The following PCED1B variants were observed in gnomAD, a reference collection of about 807,000 sequenced individuals.
PCED1B encodes PC-esterase domain containing 1B, also known as PC-esterase domain-containing protein 1B.
For synonymous variants in PCED1B, 251 were observed against 246.1 expected (o/e 1.02, Z -0.19); for missense variants, 573 against 573.9 (o/e 1.00, Z 0.02).
intron 2 of PCED1B, among the ~76,000 whole-genome samples, chr12:47,199,833 C>G (rs1342409482): frequency 6.6e-6 from 1 of 152,150 alleles, no homozygotes. Context: ...GTAGCTTCAA[C>G]ACCAAAAGCA....
chr12:47,162,815 TG>T (rs1001066390), intron 2 of PCED1B, among the ~76,000 whole-genome samples: 1 of 152,214 alleles, frequency 6.6e-6, no homozygotes, highest in Non-Finnish European at 1.5e-5. Flanking sequence ...CCTCCAATAT[TG>T]GGGATCACAT....
chr12:47,176,461 C>G (rs1941926737), intron 2 of PCED1B, among the ~76,000 whole-genome samples: 1 of 152,196 alleles, frequency 6.6e-6, no homozygotes, highest in African/African-American at 2.4e-5. Context: ...TCCCCATCCT[C>G]TGGGGTTCAG....
intron 2 of PCED1B, among the ~76,000 whole-genome samples, chr12:47,141,677 C>T (rs1940598160): frequency 6.6e-6 from 1 of 152,208 alleles, no homozygotes; most frequent in Non-Finnish European, 1.5e-5. Flanking sequence ...CTACATTCCA[C>T]AGCATACCTT....
intron 2 of PCED1B, among the ~76,000 whole-genome samples, chr12:47,195,315 C>T (rs992501898): frequency 3.6e-5 from 5 of 139,698 alleles, no homozygotes; most frequent in African/African-American, 8.3e-5. Context: ...GGCGATGGAG[C>T]GAGTCTCTGT....
At chr12:47,113,548 C>T (rs61927688) in intron 2 of PCED1B, among the ~76,000 whole-genome samples, 61,920 of 152,032 alleles carry the variant, frequency 0.41, 13,224 homozygotes, top group African/African-American at 0.52. Context: ...GTTCTACCCC[C>T]ACCTCCCAAA....
chr12:47,214,600 G>A (rs181218811), intron 2 of PCED1B, among the ~76,000 whole-genome samples: 33 of 152,008 alleles, frequency 2.2e-4, no homozygotes, highest in African/African-American at 7.2e-4. Context: ...TTGAGCCCAC[G>A]AGTTCAAGAC....
At chr12:47,101,686 C>T (rs1363368956) in intron 1 of PCED1B, among the ~76,000 whole-genome samples, 1 of 152,082 alleles carries the variant, frequency 6.6e-6, no homozygotes, top group Non-Finnish European at 1.5e-5. Context: ...GTGGCTCACA[C>T]CTGTAATCCC....
At position 47,235,357 on chromosome 12, in the gene PCED1B, C is replaced by T. The variant is rs765634288; in HGVS notation, c.294C>T (p.Tyr98=). The T allele has an allele frequency of 1.2e-5, 19 of 1,614,028 alleles. No homozygotes were observed. In the South Asian group the frequency reaches 2.0e-4, roughly 17 times the overall value. Residue 98 remains tyrosine (Y), a synonymous_variant, in exon 4 of 4, where the codon TAC becomes TAT. Transcript: ENST00000546455. ...LVRFYFLTRV[Y]SDYLQTILKE... ...GTTTTTACTTCCTCACCCGCGTGTACTCCGATTACCTCCAGACCATCTTGA... is the reference window on the plus strand; with the variant it reads ...GTTTTTACTTCCTCACCCGCGTGTATTCCGATTACCTCCAGACCATCTTGA...
intron 2 of PCED1B, among the ~76,000 whole-genome samples, chr12:47,212,071 T>A (rs1943106984): frequency 1.1e-5 from 1 of 91,604 alleles, no homozygotes. Flanking sequence ...CGAGACTCCG[T>A]CTCAAAAAAA....
chr12:47,178,195 C>A (rs1450327468), intron 2 of PCED1B, among the ~76,000 whole-genome samples: 1 of 152,202 alleles, frequency 6.6e-6, no homozygotes, highest in Non-Finnish European at 1.5e-5. Flanking sequence ...AATACAGCAC[C>A]TTTGGCGTAG....
chr12:47,193,016 A>G (rs1265759643), intron 2 of PCED1B, among the ~76,000 whole-genome samples: 13 of 152,130 alleles, frequency 8.5e-5, no homozygotes, highest in Non-Finnish European at 2.9e-5. Flanking sequence ...GGCTTACTGA[A>G]TGCTTTATGC....
chr12:47,117,284 G>T (rs1939465101), intron 2 of PCED1B, among the ~76,000 whole-genome samples: 1 of 152,060 alleles, frequency 6.6e-6, no homozygotes, highest in Non-Finnish European at 1.5e-5. Flanking sequence ...TGCCATGTTG[G>T]TGTGCTGCAC....
chr12:47,189,375 T>G (rs1942374160), intron 2 of PCED1B, among the ~76,000 whole-genome samples: 1 of 152,182 alleles, frequency 6.6e-6, no homozygotes, highest in South Asian at 2.1e-4. Context: ...CAGTCTATTG[T>G]GCATTCTTGT....
intron 2 of PCED1B, among the ~76,000 whole-genome samples, chr12:47,147,247 C>T (rs1240969034): frequency 1.3e-5 from 2 of 152,222 alleles, no homozygotes; most frequent in Middle Eastern, 3.4e-3. Flanking sequence ...AAACTTCTGA[C>T]CTCAAGTGAT....
At chr12:47,137,060 A>G (rs1940403929) in intron 2 of PCED1B, among the ~76,000 whole-genome samples, 1 of 152,236 alleles carries the variant, frequency 6.6e-6, no homozygotes, top group Non-Finnish European at 1.5e-5. Flanking sequence ...TTTGCAAACT[A>G]TGCAACACTC....
chr12:47,093,587 T>C (rs746075794), intron 1 of PCED1B, among the ~76,000 whole-genome samples: 1 of 152,014 alleles, frequency 6.6e-6, no homozygotes, highest in Non-Finnish European at 1.5e-5. Context: ...TAAGACTATA[T>C]ATTTCCTTCT....
chr12:47,235,129 G>C lies in PCED1B; in HGVS notation c.66G>C (p.Gly22=). ...ACAATAAGTTCGTGGTCATCCTGGG[G>C]GACTCTGTGCATAGGGCAGTATACA... is the stretch of plus-strand genomic sequence containing the variant. ...LLHNKFVVIL[G]DSVHRAVYKD... Residue 22 remains glycine (G), a synonymous_variant, in exon 4 of 4, where the codon GGG becomes GGC. Coordinates refer to ENST00000546455, the MANE Select transcript of PCED1B (RefSeq NM_138371.3). 2.6e-6 allele frequency: 4 copies of C among 1,542,962 alleles called. No homozygotes were observed. Among genetic ancestry groups the C allele is most frequent in the Non-Finnish European group, 3.5e-6 (4 of 1,145,642 alleles).
intron 2 of PCED1B, among the ~76,000 whole-genome samples, chr12:47,161,658 A>G (rs1484337869): frequency 3.9e-5 from 6 of 152,196 alleles, no homozygotes; most frequent in Admixed American, 6.5e-5. Context: ...CTTTTACACC[A>G]TTGGTGGGAC....
chr12:47,105,084 T>C (rs1454760252), intron 2 of PCED1B, among the ~76,000 whole-genome samples: 1 of 152,220 alleles, frequency 6.6e-6, no homozygotes, highest in African/African-American at 2.4e-5. Flanking sequence ...TGAGTCTAAT[T>C]TGGTCATTTC....
Sources: allele counts gnomAD v4.1 joint callset (sites outside exome capture counted in the v4.1 genomes callset), GRCh38; gene constraint gnomAD v4.1.1; transcripts MANE v1.5; gene names NCBI Gene and HGNC (gene_info 2026-07-23, HGNC 2026-07-21).